Variants in DPP6 observed in about 807,000 individuals in gnomAD.
The protein encoded by DPP6 is dipeptidyl peptidase like 6.
Under a neutral mutation model 122.6 loss-of-function variants are expected in DPP6, and 69 were observed. The ratio of observed to expected loss-of-function variants is 0.56; its 90% CI spans 0.46 to 0.69. DPP6 has a LOEUF of 0.69. Among genes scored for constraint, DPP6 ranks in the 30% least tolerant of loss-of-function variants. The pLI is 0.00. For missense variants in DPP6, 928 were observed against 1,116.9 expected (o/e 0.83, Z 2.41); for synonymous variants, 418 against 433.1 (o/e 0.97, Z 0.43).
chr7:153,916,421 C>T (rs1333970002), intron 1 of DPP6, among the ~76,000 whole-genome samples: 3 of 139,454 alleles, frequency 2.2e-5, no homozygotes, highest in Non-Finnish European at 3.1e-5. Flanking sequence ...CTCCTCCCCT[C>T]CCCTCCCCTC....
intron 7 of DPP6, among the ~76,000 whole-genome samples, chr7:154,719,546 ACT>A (rs767068376): frequency 6.6e-6 from 1 of 151,982 alleles, no homozygotes; most frequent in Non-Finnish European, 1.5e-5. Context: ...CATGTGACTC[ACT>A]CTGCTGAGGA....
chr7:154,061,896 A>C (rs10232245), intron 1 of DPP6, among the ~76,000 whole-genome samples: 1 of 104,442 alleles, frequency 9.6e-6, no homozygotes, highest in Non-Finnish European at 2.0e-5. Flanking sequence ...CTGAGAGGCA[A>C]TCCCTCTTCC....
intron 3 of DPP6, among the ~76,000 whole-genome samples, chr7:154,536,547 G>A (rs1471132914): frequency 1.3e-5 from 2 of 152,150 alleles, no homozygotes; most frequent in Non-Finnish European, 2.9e-5. Flanking sequence ...TTTCCCAGGA[G>A]AATTCTTTAC....
At chr7:154,889,141 C>T (rs1806397343) in intron 23 of DPP6, 131 bp from the exon 24 acceptor site, 5 of 1,371,912 alleles carry the variant, frequency 3.6e-6, no homozygotes, top group Admixed American at 2.7e-5. Flanking sequence ...AGATATAAGG[C>T]ATCCCGGTTC....
chr7:154,078,885 A>T (rs1440570864), intron 1 of DPP6, among the ~76,000 whole-genome samples: 1 of 149,732 alleles, frequency 6.7e-6, no homozygotes, highest in Non-Finnish European at 1.5e-5. Flanking sequence ...TAGATTTTTT[A>T]AATTTTTTTA....
chr7:153,845,065 G>A, the DPP6 span, among the ~76,000 whole-genome samples: 1 of 152,052 alleles, frequency 6.6e-6, no homozygotes, highest in African/African-American at 2.4e-5. Context: ...AAGAAGAATT[G>A]GCTTTAACAG....
At chr7:154,387,886 C>T (rs1814257088) in intron 1 of DPP6, among the ~76,000 whole-genome samples, 1 of 152,182 alleles carries the variant, frequency 6.6e-6, no homozygotes, top group South Asian at 2.1e-4. Context: ...TCTTGTTTCA[C>T]AATCTGACAT....
chr7:154,812,863 G>T (rs912637835), intron 16 of DPP6, among the ~76,000 whole-genome samples: 1 of 152,050 alleles, frequency 6.6e-6, no homozygotes, highest in Non-Finnish European at 1.5e-5. Flanking sequence ...TCATTATAGA[G>T]TTCCATCTAG....
At chr7:154,671,556 G>T (rs1838556628) in intron 7 of DPP6, among the ~76,000 whole-genome samples, 2 of 152,124 alleles carry the variant, frequency 1.3e-5, no homozygotes, top group African/African-American at 4.8e-5. Flanking sequence ...TAGTAGAGTT[G>T]GTACTTGTCC....
intron 1 of DPP6, among the ~76,000 whole-genome samples, chr7:154,023,589 C>A (rs1413855667): frequency 6.6e-6 from 1 of 151,676 alleles, no homozygotes; most frequent in African/African-American, 2.4e-5. Context: ...TCAAGTGATT[C>A]TCCTGCCTCA....
intron 1 of DPP6, among the ~76,000 whole-genome samples, chr7:154,300,202 C>T (rs575536128): frequency 6.6e-6 from 1 of 152,338 alleles, no homozygotes; most frequent in Non-Finnish European, 1.5e-5. Flanking sequence ...GCCCCCATGC[C>T]CCGCCAGGCT....
intron 5 of DPP6, among the ~76,000 whole-genome samples, chr7:154,574,353 ATG>A (rs1188101762): frequency 8.7e-5 from 10 of 115,322 alleles, no homozygotes; most frequent in African/African-American, 2.8e-4. Context: ...GTATGTGTAT[ATG>A]TGTGTGTTGT....
chr7:153,896,425 AT>A (rs1268311016), intron 1 of DPP6, among the ~76,000 whole-genome samples: 8 of 151,714 alleles, frequency 5.3e-5, no homozygotes, highest in African/African-American at 7.3e-5. Flanking sequence ...TAAAGGCCAA[AT>A]TTTTTTTTCA....
intron 2 of DPP6, among the ~76,000 whole-genome samples, chr7:154,450,593 T>A (rs1414749550): frequency 6.6e-6 from 1 of 152,192 alleles, no homozygotes; most frequent in East Asian, 1.9e-4. Context: ...TGCAGTCTCC[T>A]GCGTGAGCGA....
chr7:154,390,128 A>G (rs1237506819), intron 1 of DPP6, among the ~76,000 whole-genome samples: 1 of 152,206 alleles, frequency 6.6e-6, no homozygotes, highest in African/African-American at 2.4e-5. Flanking sequence ...TTGGTCATCT[A>G]CTGCATGCCA....
intron 17 of DPP6, among the ~76,000 whole-genome samples, chr7:154,861,452 G>A (rs1803388750): frequency 6.6e-6 from 1 of 152,106 alleles, no homozygotes; most frequent in Admixed American, 6.5e-5. Context: ...GTTCTTCTTA[G>A]CTTTACATCC....
At chr7:154,124,150 C>G (rs914537520) in intron 1 of DPP6, among the ~76,000 whole-genome samples, 22 of 152,152 alleles carry the variant, frequency 1.4e-4, no homozygotes, top group African/African-American at 5.1e-4. Context: ...CCTCCACTTG[C>G]TTAGTTCTTG....
chr7:154,470,948 A>C (rs1822211963), intron 2 of DPP6, among the ~76,000 whole-genome samples: 1 of 152,172 alleles, frequency 6.6e-6, no homozygotes, highest in African/African-American at 2.4e-5. Flanking sequence ...CAGCAAAATA[A>C]ATAACGAAAA....
chr7:154,813,090 T>TG (rs1385841317), intron 16 of DPP6, among the ~76,000 whole-genome samples: 1 of 151,932 alleles, frequency 6.6e-6, no homozygotes, highest in Non-Finnish European at 1.5e-5. Context: ...TCCTCAATTT[T>TG]TTTTTTTTGA....
Sources: allele counts gnomAD v4.1 joint callset (sites outside exome capture counted in the v4.1 genomes callset), GRCh38; gene constraint gnomAD v4.1.1; transcripts MANE v1.5; gene names NCBI Gene and HGNC (gene_info 2026-07-23, HGNC 2026-07-21).